The following PLXDC2 variants were observed in gnomAD, a reference collection of about 807,000 sequenced individuals.
PLXDC2 encodes plexin domain-containing protein 2.
Under a neutral mutation model 68.9 loss-of-function variants are expected in PLXDC2, and 40 were observed. The ratio of observed to expected loss-of-function variants is 0.58; its 90% CI spans 0.45 to 0.76. The LOEUF is 0.76. Ranked by LOEUF, PLXDC2 falls within the 30% of genes least tolerant of loss-of-function variation. The pLI, the probability that PLXDC2 is intolerant of heterozygous loss-of-function variation, is 0.00. For missense variants in PLXDC2, 644 were observed against 661.9 expected, an observed-to-expected ratio of 0.97 and a Z score of 0.30; for synonymous variants, 243 against 234.2, an observed-to-expected ratio of 1.04 and a Z score of -0.34.
intron 1 of PLXDC2, among the ~76,000 whole-genome samples, chr10:19,941,881 G>GTT (rs1450385053): frequency 6.7e-6 from 1 of 149,974 alleles, no homozygotes; most frequent in Non-Finnish European, 1.5e-5. Flanking sequence ...GAGCTATTCA[G>GTT]TATTTTTTAA....
chr10:20,257,543 C>G (rs979998805), intron 13 of PLXDC2, among the ~76,000 whole-genome samples: 8 of 152,174 alleles, frequency 5.3e-5, no homozygotes, highest in South Asian at 2.1e-4. Context: ...GACCACAGCC[C>G]TTTTATGAAA....
intron 4 of PLXDC2, among the ~76,000 whole-genome samples, chr10:20,095,587 G>A (rs1416225186): frequency 6.6e-6 from 1 of 152,194 alleles, no homozygotes; most frequent in Non-Finnish European, 1.5e-5. Context: ...TACCCTGAGG[G>A]AGAGTGGATT....
chr10:20,183,878 A>G (rs1834642028), intron 9 of PLXDC2, among the ~76,000 whole-genome samples: 1 of 151,978 alleles, frequency 6.6e-6, no homozygotes, highest in Admixed American at 6.6e-5. Context: ...AGGCATGTTG[A>G]ACACTTAACC....
chr10:20,046,437 T>C (rs2131682627), intron 2 of PLXDC2, among the ~76,000 whole-genome samples: 1 of 152,240 alleles, frequency 6.6e-6, no homozygotes, highest in Non-Finnish European at 1.5e-5. Flanking sequence ...TCATAGTATT[T>C]CTTTTAGTCA....
chr10:20,189,954 A>G (rs537971496), intron 9 of PLXDC2, among the ~76,000 whole-genome samples: 1 of 151,910 alleles, frequency 6.6e-6, no homozygotes, highest in South Asian at 2.1e-4. Flanking sequence ...AAGTTCTCCT[A>G]ATAACTAAGT....
intron 4 of PLXDC2, among the ~76,000 whole-genome samples, chr10:20,092,919 C>A (rs1409926574): frequency 1.3e-5 from 2 of 152,116 alleles, no homozygotes; most frequent in Admixed American, 1.3e-4. Context: ...AGAACACATT[C>A]TCTCCTAGAA....
intron 1 of PLXDC2, among the ~76,000 whole-genome samples, chr10:19,887,404 T>G (rs1837867955): frequency 6.6e-6 from 1 of 152,040 alleles, no homozygotes; most frequent in African/African-American, 2.4e-5. Context: ...GCCTGTAGTC[T>G]TCAGTTACTT....
intron 4 of PLXDC2, among the ~76,000 whole-genome samples, chr10:20,088,020 G>A (rs985244657): frequency 1.3e-5 from 2 of 152,228 alleles, no homozygotes; most frequent in South Asian, 4.1e-4. Flanking sequence ...GAAGGGATAA[G>A]TTCCTCTGGA....
chr10:20,076,129 C>T (rs756435962), intron 4 of PLXDC2, among the ~76,000 whole-genome samples: 13 of 152,162 alleles, frequency 8.5e-5, no homozygotes, highest in Non-Finnish European at 1.6e-4. Context: ...AATAAAGTAA[C>T]AATATATGCC....
intron 13 of PLXDC2, among the ~76,000 whole-genome samples, chr10:20,250,669 G>A (rs992781083): frequency 6.6e-6 from 1 of 152,148 alleles, no homozygotes; most frequent in African/African-American, 2.4e-5. Flanking sequence ...TGTATAAAGA[G>A]TTTTTCTTCA....
At chr10:20,248,803 G>A (rs1835633739) in intron 13 of PLXDC2, among the ~76,000 whole-genome samples, 3 of 152,180 alleles carry the variant, frequency 2.0e-5, no homozygotes, top group Admixed American at 2.0e-4. Flanking sequence ...AATTGTTGTT[G>A]CATAAATGAG....
chr10:20,118,463 A>G (rs1009208632), intron 4 of PLXDC2, among the ~76,000 whole-genome samples: 4 of 152,234 alleles, frequency 2.6e-5, no homozygotes, highest in African/African-American at 9.6e-5. Flanking sequence ...ATGTCAAGGC[A>G]TAGACCTAAT....
intron 4 of PLXDC2, among the ~76,000 whole-genome samples, chr10:20,092,457 A>C (rs1400093719): frequency 6.6e-6 from 1 of 152,154 alleles, no homozygotes; most frequent in Admixed American, 6.5e-5. Flanking sequence ...TATTGGTTGA[A>C]TGGCCATGAC....
intron 1 of PLXDC2, among the ~76,000 whole-genome samples, chr10:19,971,239 A>G (rs1023404288): frequency 1.3e-5 from 2 of 152,194 alleles, no homozygotes; most frequent in Non-Finnish European, 2.9e-5. Flanking sequence ...GCTCTTGAGA[A>G]TGAGAGGAGT....
chr10:19,873,641 A>G (rs547164327), intron 1 of PLXDC2, among the ~76,000 whole-genome samples: 10 of 152,194 alleles, frequency 6.6e-5, no homozygotes, highest in Non-Finnish European at 1.2e-4. Context: ...TGCACATTGA[A>G]CCAGAAGTGT....
intron 1 of PLXDC2, among the ~76,000 whole-genome samples, chr10:19,982,743 T>C (rs950779381): frequency 6.6e-6 from 1 of 152,056 alleles, no homozygotes; most frequent in Non-Finnish European, 1.5e-5. Context: ...TCTGTAAAAA[T>C]CAGCTTATTT....
chr10:19,980,758 G>T (rs898854057), intron 1 of PLXDC2, among the ~76,000 whole-genome samples: 1 of 152,160 alleles, frequency 6.6e-6, no homozygotes, highest in Non-Finnish European at 1.5e-5. Context: ...TCAGAGATCA[G>T]GGTGTCAAAT....
chr10:20,044,396 C>T (rs546275108), intron 2 of PLXDC2, among the ~76,000 whole-genome samples: 84 of 150,884 alleles, frequency 5.6e-4, no homozygotes, highest in Non-Finnish European at 9.6e-4. Context: ...CTGCAAACTC[C>T]GCCTCCCAAG....
chr10:20,115,815 G>C (rs1275144206), intron 4 of PLXDC2, among the ~76,000 whole-genome samples: 1 of 152,058 alleles, frequency 6.6e-6, no homozygotes, highest in South Asian at 2.1e-4. Flanking sequence ...GTGAAGCTTT[G>C]AGCACTTAGA....
Sources: allele counts gnomAD v4.1 joint callset (sites outside exome capture counted in the v4.1 genomes callset), GRCh38; gene constraint gnomAD v4.1.1; transcripts MANE v1.5; gene names NCBI Gene and HGNC (gene_info 2026-07-23, HGNC 2026-07-21).